Variants in SNX14 observed in about 807,000 individuals in gnomAD.
SNX14 encodes sorting nexin 14.
SNX14 carries 93 observed loss-of-function variants against 133.8 expected under a neutral mutation model. The observed-to-expected ratio is 0.70, with a 90% CI of 0.59 to 0.83. The LOEUF (loss-of-function observed/expected upper bound fraction) is 0.83. Ranked by LOEUF, SNX14 falls within the 40% of genes least tolerant of loss-of-function variation. The pLI is 0.00. For missense variants in SNX14, 945 were observed against 1,094.9 expected (o/e 0.86, Z 1.93); for synonymous variants, 368 against 365.6 (o/e 1.01, Z -0.07).
intron 7 of SNX14, among the ~76,000 whole-genome samples, chr6:85,550,638 A>C (rs1172238644): frequency 6.6e-6 from 1 of 152,030 alleles, no homozygotes; most frequent in African/African-American, 2.4e-5. Context: ...AGCTGGGCCC[A>C]CAGGCGGGTA....
At chr6:85,533,136 C>T (rs957460820) in intron 18 of SNX14, among the ~76,000 whole-genome samples, 1 of 152,220 alleles carries the variant, frequency 6.6e-6, no homozygotes, top group African/African-American at 2.4e-5. Flanking sequence ...ATCCACCTGC[C>T]TTGGCCTCCC....
intron 26 of SNX14, among the ~76,000 whole-genome samples, chr6:85,510,980 T>G (rs940570016): frequency 6.6e-6 from 1 of 152,196 alleles, no homozygotes; most frequent in Non-Finnish European, 1.5e-5. Flanking sequence ...GGGATTTGGA[T>G]TGGGACTGCA....
intron 6 of SNX14, among the ~76,000 whole-genome samples, chr6:85,559,380 CTCAG>C (rs1790805105): frequency 6.6e-6 from 1 of 152,124 alleles, no homozygotes; most frequent in Non-Finnish European, 1.5e-5. Context: ...TCTGAGAATA[CTCAG>C]TAAGATTTTT....
intron 1 of SNX14, among the ~76,000 whole-genome samples, chr6:85,585,680 ACTAT>A (rs71551484): frequency 0.26 from 39,529 of 151,934 alleles, 6,433 homozygotes; most frequent in East Asian, 0.39. Context: ...TCCAATTTGA[ACTAT>A]CTATCAGAAT....
At chr6:85,569,260 C>A (rs752635925) in intron 4 of SNX14, among the ~76,000 whole-genome samples, 1 of 152,182 alleles carries the variant, frequency 6.6e-6, no homozygotes, top group African/African-American at 2.4e-5. Context: ...ACACGCCCAG[C>A]GGGTACTCAT....
intron 17 of SNX14, 149 bp downstream of exon 17, chr6:85,536,643 C>A: frequency 1.5e-6 from 1 of 667,332 alleles, no homozygotes; most frequent in South Asian, 3.1e-5. Flanking sequence ...ATGAGAAATA[C>A]AAAGGAAGTC....
intron 15 of SNX14, among the ~76,000 whole-genome samples, chr6:85,541,680 T>C (rs1783808454): frequency 1.3e-5 from 2 of 152,216 alleles, no homozygotes; most frequent in African/African-American, 4.8e-5. Flanking sequence ...TTCTGAGTTA[T>C]CTGTGGATGC....
chr6:85,564,893 G>A (rs529948507), intron 6 of SNX14, among the ~76,000 whole-genome samples: 23 of 152,026 alleles, frequency 1.5e-4, no homozygotes, highest in South Asian at 1.5e-3. Context: ...AGAGGCTGAG[G>A]CAGGAGAATC....
At chr6:85,506,386 G>A (rs935668875) in intron 28 of SNX14, among the ~76,000 whole-genome samples, 4 of 151,360 alleles carry the variant, frequency 2.6e-5, no homozygotes, top group African/African-American at 4.9e-5. Flanking sequence ...GCATGATCTC[G>A]GCTCACTGCA....
At chr6:85,540,471 C>T (rs1484955746) in intron 15 of SNX14, among the ~76,000 whole-genome samples, 2 of 152,138 alleles carry the variant, frequency 1.3e-5, no homozygotes, top group African/African-American at 4.8e-5. Flanking sequence ...GGCATGTGGC[C>T]TGGGCAAAGA....
At chr6:85,529,644 C>G (rs1562242023) in intron 19 of SNX14, among the ~76,000 whole-genome samples, 1 of 152,156 alleles carries the variant, frequency 6.6e-6, no homozygotes, top group Non-Finnish European at 1.5e-5. Flanking sequence ...ACCTTATATT[C>G]TTTATCTTCC....
At chr6:85,547,599 C>A in intron 9 of SNX14, 49 bp from the exon 10 acceptor site, 1 of 1,418,842 alleles carries the variant, frequency 7.0e-7, no homozygotes, top group Admixed American at 2.3e-5. Context: ...CTACTGTATT[C>A]TCCCCAGAAT....
intron 6 of SNX14, among the ~76,000 whole-genome samples, chr6:85,562,582 CTTTTTTTTT>C (rs201175458): frequency 4.7e-4 from 45 of 94,854 alleles, no homozygotes; most frequent in African/African-American, 1.8e-3. Context: ...ACTTTTTGGG[CTTTTTTTTT>C]TTTTTTTTTT....
At chr6:85,575,867 T>G (rs73481397) in intron 1 of SNX14, among the ~76,000 whole-genome samples, 2,425 of 152,344 alleles carry the variant, frequency 0.016, 71 homozygotes, top group African/African-American at 0.055. Context: ...AATTCACCTA[T>G]GCATGAAAAA....
chr6:85,531,566 G>T (rs1341994249), intron 18 of SNX14, among the ~76,000 whole-genome samples: 1 of 152,096 alleles, frequency 6.6e-6, no homozygotes, highest in Non-Finnish European at 1.5e-5. Context: ...AAGATCCATA[G>T]CATATTTAGG....
intron 19 of SNX14, 103 bp from the exon 20 acceptor site, chr6:85,528,465 C>T (rs1779167409): frequency 1.6e-5 from 12 of 729,136 alleles, no homozygotes; most frequent in South Asian, 2.6e-5. Context: ...ATTAGCAATA[C>T]TGCCTTGTAC....
At chr6:85,573,346 G>C (rs1473006635) in intron 2 of SNX14, among the ~76,000 whole-genome samples, 1 of 152,164 alleles carries the variant, frequency 6.6e-6, no homozygotes, top group Non-Finnish European at 1.5e-5. Flanking sequence ...TGGGCCTGGT[G>C]GCGTGTGCCT....
chr6:85,545,827 G>A (rs553775706), intron 12 of SNX14, among the ~76,000 whole-genome samples: 45 of 152,232 alleles, frequency 3.0e-4, no homozygotes, highest in Non-Finnish European at 4.9e-4. Flanking sequence ...GCGATTACAG[G>A]CATGAGCCAA....
intron 1 of SNX14, among the ~76,000 whole-genome samples, chr6:85,582,900 A>G (rs1583115510): frequency 6.6e-6 from 1 of 152,274 alleles, no homozygotes; most frequent in African/African-American, 2.4e-5. Flanking sequence ...GAAAAAGAGG[A>G]ACTCCTCCCA....
Sources: allele counts gnomAD v4.1 joint callset (sites outside exome capture counted in the v4.1 genomes callset), GRCh38; gene constraint gnomAD v4.1.1; transcripts MANE v1.5; gene names NCBI Gene and HGNC (gene_info 2026-07-23, HGNC 2026-07-21).